FBXW11: variants seen among roughly 807,000 people sequenced by gnomAD.
The protein encoded by FBXW11 is F-box and WD repeat domain containing 11.
A neutral mutation model predicts 77.6 loss-of-function variants in FBXW11; 19 were observed. The ratio of observed to expected loss-of-function variants is 0.24; its 90% CI spans 0.17 to 0.36. The LOEUF (loss-of-function observed/expected upper bound fraction) is 0.36, where lower values mean the gene tolerates loss of function less well. Ranked by LOEUF, FBXW11 falls within the 10% of genes least tolerant of loss-of-function variation. FBXW11 has a pLI of 1.00. For missense variants in FBXW11, 334 were observed against 704.2 expected (o/e 0.47, Z 5.95); for synonymous variants, 235 against 249.4 (o/e 0.94, Z 0.54).
intron 1 of FBXW11, among the ~76,000 whole-genome samples, chr5:171,997,250 G>A (rs938117464): frequency 2.6e-5 from 4 of 152,166 alleles, no homozygotes; most frequent in African/African-American, 4.8e-5. Context: ...TACAAAACTC[G>A]TAACAAATAA....
intron 7 of FBXW11, among the ~76,000 whole-genome samples, chr5:171,889,692 G>C (rs1581154678): frequency 6.6e-6 from 1 of 151,164 alleles, no homozygotes; most frequent in East Asian, 2.0e-4. Flanking sequence ...TTTGAGACCA[G>C]CCTGACCAAC....
At chr5:171,882,785 AT>A (rs1253860273) in intron 7 of FBXW11, among the ~76,000 whole-genome samples, 1 of 149,926 alleles carries the variant, frequency 6.7e-6, no homozygotes, top group Middle Eastern at 3.2e-3. Flanking sequence ...TTCTTTTTTT[AT>A]TGCTTTTATT....
intron 1 of FBXW11, among the ~76,000 whole-genome samples, chr5:171,990,205 TAAC>T (rs1013606467): frequency 3.9e-5 from 6 of 152,170 alleles, no homozygotes; most frequent in African/African-American, 1.2e-4. Flanking sequence ...GACAAAATGT[TAAC>T]AATTGTTGAA....
At chr5:171,999,269 T>C (rs911244997) in intron 1 of FBXW11, among the ~76,000 whole-genome samples, 1 of 152,132 alleles carries the variant, frequency 6.6e-6, no homozygotes, top group Non-Finnish European at 1.5e-5. Context: ...CTATCCAAAA[T>C]GCAAAACAAG....
intron 5 of FBXW11, 80 bp from the exon 6 acceptor site, chr5:171,899,174 T>C (rs1227922977): frequency 2.2e-6 from 2 of 899,428 alleles, no homozygotes; most frequent in African/African-American, 3.4e-5. Context: ...CTGACAAAGA[T>C]ATATCTTTCA....
chr5:171,872,657 T>G (rs1293223497), intron 10 of FBXW11, among the ~76,000 whole-genome samples: 2 of 152,166 alleles, frequency 1.3e-5, no homozygotes, highest in African/African-American at 4.8e-5. Context: ...TTAAAAAACT[T>G]TGTGTACTGG....
chr5:171,933,918 A>G (rs1762347469), intron 2 of FBXW11, among the ~76,000 whole-genome samples: 1 of 152,200 alleles, frequency 6.6e-6, no homozygotes, highest in Admixed American at 6.5e-5. Flanking sequence ...GCAGGGAGTA[A>G]GGGAAGGAGG....
At chr5:171,875,139 G>A (rs1581129465) in intron 9 of FBXW11, among the ~76,000 whole-genome samples, 2 of 152,196 alleles carry the variant, frequency 1.3e-5, no homozygotes, top group East Asian at 3.9e-4. Context: ...AGTACTGGCT[G>A]GGTGTGGTGG....
intron 1 of FBXW11, among the ~76,000 whole-genome samples, chr5:171,974,209 C>T (rs185158488): frequency 4.5e-4 from 68 of 152,090 alleles, no homozygotes; most frequent in Admixed American, 7.2e-4. Context: ...CCGAGGGTGG[C>T]GAATCACCTG....
At chr5:171,945,822 A>AT (rs1308133032) in intron 2 of FBXW11, among the ~76,000 whole-genome samples, 11 of 152,320 alleles carry the variant, frequency 7.2e-5, no homozygotes, top group African/African-American at 2.6e-4. Context: ...TACTAACCTC[A>AT]TACTCACCTT....
chr5:171,970,234 T>C (rs1205769677), intron 1 of FBXW11, among the ~76,000 whole-genome samples: 1 of 152,210 alleles, frequency 6.6e-6, no homozygotes, highest in Non-Finnish European at 1.5e-5. Context: ...GGGAGGTGAC[T>C]GGATCATGGA....
chr5:171,917,613 A>G (rs1261725734), intron 2 of FBXW11, among the ~76,000 whole-genome samples: 2 of 152,192 alleles, frequency 1.3e-5, no homozygotes, highest in Non-Finnish European at 2.9e-5. Context: ...AGAAGACACC[A>G]AAGGGAAAAT....
chr5:171,888,872 T>C (rs1759099946), intron 7 of FBXW11, among the ~76,000 whole-genome samples: 1 of 152,074 alleles, frequency 6.6e-6, no homozygotes. Flanking sequence ...ATATCATACC[T>C]GAAATTAAAA....
chr5:171,947,857 T>C (rs1763096736), intron 2 of FBXW11, among the ~76,000 whole-genome samples: 1 of 151,862 alleles, frequency 6.6e-6, no homozygotes, highest in African/African-American at 2.4e-5. Flanking sequence ...GTCGACGCTA[T>C]AGTGAGCCAT....
chr5:172,006,595 G>C lies in FBXW11; in HGVS notation c.-93C>G. ...GGCGGAGGCGGCAGAGGCGGAGGCG[G>C]CTATCGCACCCACTCTAGCTGCCAG... On this transcript the variant is annotated 5_prime_UTR_variant, in exon 1 of 14. Transcript: ENST00000517395. 7.2e-7 allele frequency: 1 copy of C among 1,389,088 alleles called. No homozygotes were observed. Among genetic ancestry groups the C allele is most frequent in the Admixed American group, 3.3e-5 (1 of 29,862 alleles). 86.0% of individuals were successfully genotyped at this position (1,389,088 alleles called of 1,614,324 possible).
intron 1 of FBXW11, among the ~76,000 whole-genome samples, chr5:172,005,224 A>AACATTTTGCTGGGTT (rs1352279852): frequency 6.6e-6 from 1 of 152,214 alleles, no homozygotes; most frequent in African/African-American, 2.4e-5. Context: ...TGGCTAGGAA[A>AACATTTTGCTGGGTT]ACATTTTGCT....
chr5:172,006,587 C>T lies in FBXW11; in HGVS notation c.-85G>A. On this transcript the variant is annotated 5_prime_UTR_variant, in exon 1 of 14. Coordinates refer to ENST00000517395, the MANE Select transcript of FBXW11 (RefSeq NM_001378974.1). Reference sequence around the variant, plus strand: ...GAGGCGACGGCGGAGGCGGCAGAGGCGGAGGCGGCTATCGCACCCACTCTA... The same window carrying T: ...GAGGCGACGGCGGAGGCGGCAGAGGTGGAGGCGGCTATCGCACCCACTCTA... 1 of 1,402,112 alleles carries T rather than the reference C, an allele frequency of 7.1e-7. No homozygotes were observed. The highest frequency in any genetic ancestry group is 3.2e-5 in the Admixed American group (1 of 31,256). 86.9% of individuals were successfully genotyped at this position (1,402,112 alleles called of 1,614,324 possible).
At chr5:171,966,135 C>T (rs975674516) in intron 1 of FBXW11, among the ~76,000 whole-genome samples, 2 of 152,168 alleles carry the variant, frequency 1.3e-5, no homozygotes, top group African/African-American at 4.8e-5. Flanking sequence ...ATTACCCAGT[C>T]TCAGATAGTT....
intron 1 of FBXW11, among the ~76,000 whole-genome samples, chr5:171,965,397 G>A (rs947252606): frequency 1.3e-5 from 2 of 151,980 alleles, no homozygotes; most frequent in Admixed American, 6.6e-5. Context: ...CAGGTGGCAC[G>A]CACCTATGAT....
Sources: allele counts gnomAD v4.1 joint callset (sites outside exome capture counted in the v4.1 genomes callset), GRCh38; gene constraint gnomAD v4.1.1; transcripts MANE v1.5; gene names NCBI Gene and HGNC (gene_info 2026-07-23, HGNC 2026-07-21).